The following TCERG1L variants were observed in gnomAD, a reference collection of about 807,000 sequenced individuals.
TCERG1L encodes the protein transcription elongation regulator 1-like protein.
TCERG1L carries 37 observed loss-of-function variants against 56.3 expected under a neutral mutation model. The ratio of observed to expected loss-of-function variants is 0.66; its 90% confidence interval spans 0.51 to 0.87. The LOEUF (loss-of-function observed/expected upper bound fraction) is 0.87. TCERG1L is among the 40% of genes least tolerant of loss of function. The pLI is 0.00. For synonymous variants in TCERG1L, 324 were observed against 326.3 expected (o/e 0.99, Z 0.08); for missense variants, 799 against 774.2 (o/e 1.03, Z -0.38).
chr10:131,249,610 C>G (rs1208445418), intron 4 of TCERG1L, among the ~76,000 whole-genome samples: 1 of 152,192 alleles, frequency 6.6e-6, no homozygotes, highest in Non-Finnish European at 1.5e-5. Flanking sequence ...AAATTTTGTT[C>G]TTTTTTGAAA....
At chr10:131,224,593 G>C (rs1476234737) in intron 4 of TCERG1L, among the ~76,000 whole-genome samples, 1 of 152,194 alleles carries the variant, frequency 6.6e-6, no homozygotes, top group African/African-American at 2.4e-5. Context: ...CATGTCCTCA[G>C]GGCTGGACTA....
intron 4 of TCERG1L, among the ~76,000 whole-genome samples, chr10:131,195,026 C>G (rs574932441): frequency 1.3e-5 from 2 of 152,188 alleles, no homozygotes; most frequent in African/African-American, 2.4e-5. Flanking sequence ...CTGGTTGTGG[C>G]CAGACCCTTT....
intron 4 of TCERG1L, among the ~76,000 whole-genome samples, chr10:131,223,075 C>T (rs141333461): frequency 3.9e-5 from 6 of 152,292 alleles, no homozygotes; most frequent in Non-Finnish European, 5.9e-5. Flanking sequence ...CCTGATCAAC[C>T]GGCGGGGACG....
chr10:131,260,122 C>A lies in TCERG1L; in HGVS notation c.856+137G>T. The A allele has an allele frequency of 8.1e-7, 1 of 1,232,422 alleles. No homozygotes were observed. Among genetic ancestry groups the A allele is most frequent in the Non-Finnish European group, 1.0e-6 (1 of 987,864 alleles). The allele number at this position is 1,232,422 out of a possible 1,614,324, so 76.3% of individuals were successfully genotyped here. A position where few individuals can be genotyped will look rare whatever the true frequency, so the allele number is the denominator to read the frequency against. ...AAGTCAAGCAAAGCCCAAACGGCCCCAGCCGAATGTTTCCCTCAACCGGAG... is the reference window on the plus strand; with the variant it reads ...AAGTCAAGCAAAGCCCAAACGGCCCAAGCCGAATGTTTCCCTCAACCGGAG... On this transcript the variant is annotated intron_variant, in intron 4 of 11. Coordinates refer to ENST00000368642, the MANE Select transcript of TCERG1L (RefSeq NM_174937.4). The surrounding 1 kb of genome is among the most constrained non-coding windows in gnomAD (Gnocchi z 5.8).
intron 4 of TCERG1L, among the ~76,000 whole-genome samples, chr10:131,221,847 A>G (rs1589753176): frequency 6.6e-6 from 1 of 152,194 alleles, no homozygotes; most frequent in East Asian, 1.9e-4. Flanking sequence ...CGCTGCCTCC[A>G]CGTTGGGAGT....
chr10:131,224,409 C>G (rs1285070623), intron 4 of TCERG1L, among the ~76,000 whole-genome samples: 1 of 152,162 alleles, frequency 6.6e-6, no homozygotes, highest in Non-Finnish European at 1.5e-5. Flanking sequence ...GAGCCACATC[C>G]CTGATTCAGA....
chr10:131,141,347 C>A (rs1845736767), intron 7 of TCERG1L, among the ~76,000 whole-genome samples: 1 of 152,160 alleles, frequency 6.6e-6, no homozygotes, highest in South Asian at 2.1e-4. Flanking sequence ...ACACCCTTTA[C>A]CTCCCCTCCC....
At chr10:131,282,828 A>G (rs563902566) in intron 3 of TCERG1L, among the ~76,000 whole-genome samples, 11 of 152,374 alleles carry the variant, frequency 7.2e-5, no homozygotes, top group African/African-American at 2.6e-4. Flanking sequence ...TCTTACCTGC[A>G]TGATGTTACC....
At chr10:131,239,233 G>T (rs117662060) in intron 4 of TCERG1L, among the ~76,000 whole-genome samples, 124 of 152,284 alleles carry the variant, frequency 8.1e-4, no homozygotes, top group African/African-American at 2.9e-3. Context: ...CTTGAATGCA[G>T]CCTTTAATGC....
intron 4 of TCERG1L, among the ~76,000 whole-genome samples, chr10:131,186,240 G>A (rs929694537): frequency 6.6e-6 from 1 of 152,176 alleles, no homozygotes; most frequent in African/African-American, 2.4e-5. Context: ...AACCAGTAAG[G>A]AGTTTTTTTT....
chr10:131,222,546 G>A (rs751054995), intron 4 of TCERG1L, among the ~76,000 whole-genome samples: 9 of 139,844 alleles, frequency 6.4e-5, no homozygotes, highest in Non-Finnish European at 1.2e-4. Flanking sequence ...ACTCCCAGAT[G>A]GAAAGGAGAA....
At chr10:131,265,704 T>TA (rs1269219433) in intron 3 of TCERG1L, among the ~76,000 whole-genome samples, 1 of 152,220 alleles carries the variant, frequency 6.6e-6, no homozygotes, top group East Asian at 1.9e-4. Flanking sequence ...GTATTATGTC[T>TA]AAAAAATGTA....
At chr10:131,249,954 A>G (rs1386996127) in intron 4 of TCERG1L, among the ~76,000 whole-genome samples, 2 of 152,246 alleles carry the variant, frequency 1.3e-5, no homozygotes, top group African/African-American at 4.8e-5. Context: ...GCTCCCAGAA[A>G]GGAGCACACA....
intron 6 of TCERG1L, chr10:131,155,984 C>T (rs11017772): frequency 0.13 from 20,354 of 152,238 alleles, 1,768 homozygotes; most frequent in Non-Finnish European, 0.2. Context: ...GCAAAAGGGC[C>T]GAAGTGACAT....
At chr10:131,147,538 T>G (rs999904849) in intron 6 of TCERG1L, among the ~76,000 whole-genome samples, 1 of 152,200 alleles carries the variant, frequency 6.6e-6, no homozygotes, top group Non-Finnish European at 1.5e-5. Flanking sequence ...CAGGGTGCTA[T>G]TAGAGATTGA....
chr10:131,093,150 T>C lies in TCERG1L; in HGVS notation c.*12A>G. The C allele has an allele frequency of 6.2e-7, 1 of 1,611,936 alleles. No individual in the cohort carries two copies. Among genetic ancestry groups the C allele is most frequent in the Non-Finnish European group, 8.5e-7 (1 of 1,178,922 alleles). On this transcript the variant is annotated 3_prime_UTR_variant, in exon 12 of 12. Transcript: ENST00000368642. ...GGGTCAACCCCCGGGCTTATTGCAT[T>C]TTTTCACAAACTCATCTCATTTTCC...
chr10:131,181,018 C>A (rs1845169613), intron 4 of TCERG1L, among the ~76,000 whole-genome samples: 1 of 152,326 alleles, frequency 6.6e-6, no homozygotes, highest in South Asian at 2.1e-4. Context: ...TGCCTCCATT[C>A]TCATGACCAG....
chr10:131,116,199 C>T (rs1250374008), intron 9 of TCERG1L, among the ~76,000 whole-genome samples: 1 of 152,190 alleles, frequency 6.6e-6, no homozygotes, highest in Non-Finnish European at 1.5e-5. Context: ...CCCCCGACCC[C>T]CAAGTCAAAG....
intron 4 of TCERG1L, among the ~76,000 whole-genome samples, chr10:131,236,311 T>C (rs189869743): frequency 6.6e-6 from 1 of 152,274 alleles, no homozygotes; most frequent in African/African-American, 2.4e-5. Flanking sequence ...TATTGCTACC[T>C]TTTTTTCCCC....
Sources: gnomAD v4.1 joint callset for allele counts (sites outside exome capture counted in the v4.1 genomes callset) on GRCh38, gnomAD v4.1.1 for gene constraint, Gnocchi (gnomAD v3.1) non-coding constraint, MANE v1.5 for transcripts, NCBI Gene and HGNC (gene_info 2026-07-23, HGNC 2026-07-21) for gene names.